The following SLC16A7 variants were observed in gnomAD, a reference collection of about 807,000 sequenced individuals.
SLC16A7 encodes solute carrier family 16 member 7, also known as monocarboxylate transporter 2.
Under a neutral mutation model 34.9 loss-of-function variants are expected in SLC16A7, and 33 were observed. The ratio of observed to expected loss-of-function variants is 0.94; its 90% CI spans 0.72 to 1.26. SLC16A7 has a LOEUF of 1.26. Ranked by LOEUF, SLC16A7 falls within the 50% of genes most tolerant of loss-of-function variation. The pLI is 0.00. For missense variants in SLC16A7, 573 were observed against 578.1 expected (o/e 0.99, Z 0.09); for synonymous variants, 201 against 206.6 (o/e 0.97, Z 0.23).
intron 2 of SLC16A7, among the ~76,000 whole-genome samples, chr12:59,675,418 AC>A (rs1870226288): frequency 6.6e-6 from 1 of 152,164 alleles, no homozygotes; most frequent in Admixed American, 6.6e-5. Context: ...CTAAGTGAGC[AC>A]ACAGCAAAAG....
chr12:59,682,322 T>C (rs1016611205), intron 2 of SLC16A7, among the ~76,000 whole-genome samples: 2 of 152,180 alleles, frequency 1.3e-5, no homozygotes, highest in African/African-American at 4.8e-5. Context: ...AATTTTAACA[T>C]CTTAGGGGAC....
chr12:59,711,537 T>C (rs957443217), intron 3 of SLC16A7, among the ~76,000 whole-genome samples: 1 of 152,168 alleles, frequency 6.6e-6, no homozygotes, highest in Non-Finnish European at 1.5e-5. Context: ...TTGTTAAAAT[T>C]TGAAACAGGG....
chr12:59,603,186 A>T (rs1878772180), intron 1 of SLC16A7, among the ~76,000 whole-genome samples: 1 of 152,134 alleles, frequency 6.6e-6, no homozygotes, highest in South Asian at 2.1e-4. Flanking sequence ...ACAGTCATGT[A>T]ATAGTCTCTT....
intron 2 of SLC16A7, among the ~76,000 whole-genome samples, chr12:59,668,219 C>T (rs550473928): frequency 1.3e-5 from 2 of 152,240 alleles, no homozygotes; most frequent in Admixed American, 1.3e-4. Context: ...AGAGGGCCAC[C>T]ATCCTTCAGA....
At position 59,780,087 on chromosome 12, in the gene SLC16A7, A is replaced by G; in HGVS notation, c.*408A>G. ...TACATTTCATTTTTTATTTGATATTAAAGTATGAGATAGAGTTGAGAGACA... is the reference window on the plus strand; with the variant it reads ...TACATTTCATTTTTTATTTGATATTGAAGTATGAGATAGAGTTGAGAGACA... On this transcript the variant is annotated 3_prime_UTR_variant, in exon 6 of 6. Coordinates refer to ENST00000547379, the MANE Select transcript of SLC16A7 (RefSeq NM_001270623.2). 6.1e-6 allele frequency: 1 copy of G among 162,622 alleles called. No homozygotes were observed. Among genetic ancestry groups the G allele is most frequent in the Non-Finnish European group, 1.4e-5 (1 of 73,988 alleles). 10.1% of individuals were successfully genotyped at this position (162,622 alleles called of 1,614,324 possible). A position where few individuals can be genotyped will look rare whatever the true frequency, so the allele number is the denominator to read the frequency against.
chr12:59,729,145 T>A (rs1038026223), intron 3 of SLC16A7, among the ~76,000 whole-genome samples: 1 of 152,268 alleles, frequency 6.6e-6, no homozygotes, highest in Non-Finnish European at 1.5e-5. Context: ...ATGTGTGGTT[T>A]GCATAATTGA....
intron 2 of SLC16A7, among the ~76,000 whole-genome samples, chr12:59,666,422 G>A (rs759840946): frequency 6.6e-6 from 1 of 152,084 alleles, no homozygotes; most frequent in Admixed American, 6.6e-5. Flanking sequence ...TTTACAAAAG[G>A]AGATTCTCAA....
At chr12:59,683,919 C>T (rs1241841975) in intron 2 of SLC16A7, among the ~76,000 whole-genome samples, 1 of 152,180 alleles carries the variant, frequency 6.6e-6, no homozygotes, top group Non-Finnish European at 1.5e-5. Context: ...AATATTATTA[C>T]ATACCATTAA....
intron 2 of SLC16A7, among the ~76,000 whole-genome samples, chr12:59,693,040 C>G (rs1239337917): frequency 6.6e-6 from 1 of 151,896 alleles, no homozygotes; most frequent in Non-Finnish European, 1.5e-5. Flanking sequence ...AAAAACCAGA[C>G]AATTATTCTT....
chr12:59,710,041 A>C (rs12307814), intron 3 of SLC16A7, among the ~76,000 whole-genome samples: 2,564 of 151,814 alleles, frequency 0.017, 154 homozygotes, highest in African/African-American at 0.057. Flanking sequence ...AATATAAGTT[A>C]TATAAATTAT....
intron 5 of SLC16A7, among the ~76,000 whole-genome samples, chr12:59,776,266 T>G (rs746063895): frequency 9.2e-5 from 14 of 152,214 alleles, no homozygotes; most frequent in Non-Finnish European, 1.3e-4. Flanking sequence ...CATTAGATTT[T>G]TGTTGGAATT....
At chr12:59,703,960 G>C (rs1486544398) in intron 2 of SLC16A7, among the ~76,000 whole-genome samples, 1 of 151,878 alleles carries the variant, frequency 6.6e-6, no homozygotes, top group African/African-American at 2.4e-5. Flanking sequence ...CCAACACATT[G>C]GGAGGCTGAG....
intron 4 of SLC16A7, among the ~76,000 whole-genome samples, chr12:59,771,766 AAT>A (rs1882258138): frequency 1.3e-5 from 2 of 152,168 alleles, no homozygotes; most frequent in African/African-American, 4.8e-5. Flanking sequence ...TTCCACTCAT[AAT>A]ATGTTAAAAC....
intron 1 of SLC16A7, among the ~76,000 whole-genome samples, chr12:59,606,351 T>C (rs543057155): frequency 2.0e-4 from 30 of 152,144 alleles, no homozygotes; most frequent in Non-Finnish European, 4.0e-4. Flanking sequence ...AAATTCCCTT[T>C]AGATGTGATA....
chr12:59,789,249 G>A lies in SLC16A7; in HGVS notation c.*9570G>A, dbSNP rs777651591. 1.3e-5 allele frequency: 2 copies of A among 152,002 alleles called. No homozygotes were observed. The highest frequency in any genetic ancestry group is 1.9e-4 in the East Asian group (1 of 5,182). The allele number at this position is 152,002 out of a possible 1,614,324, so 9.4% of individuals were successfully genotyped here. A position where few individuals can be genotyped will look rare whatever the true frequency, so the allele number is the denominator to read the frequency against. ...TTAAAATGCTACTACAGTATTCTAC[G>A]ATGCAGGCTGAATGTATATTACAGT... On this transcript the variant is annotated 3_prime_UTR_variant, in exon 6 of 6. Transcript: ENST00000547379.
chr12:59,763,765 C>T (rs1210703228), intron 3 of SLC16A7, among the ~76,000 whole-genome samples: 1 of 152,098 alleles, frequency 6.6e-6, no homozygotes, highest in Non-Finnish European at 1.5e-5. Flanking sequence ...TCTTGTGTCA[C>T]ATTTTGGTAA....
chr12:59,669,357 G>T (rs973567132), intron 2 of SLC16A7, among the ~76,000 whole-genome samples: 1 of 152,108 alleles, frequency 6.6e-6, no homozygotes, highest in Non-Finnish European at 1.5e-5. Flanking sequence ...AATTAAGATT[G>T]TGGTTTTTTA....
chr12:59,638,852 G>T (rs1046664408), intron 1 of SLC16A7, among the ~76,000 whole-genome samples: 1 of 152,156 alleles, frequency 6.6e-6, no homozygotes, highest in Admixed American at 6.5e-5. Context: ...AAACTGATTT[G>T]AGCCAGAATA....
chr12:59,708,150 A>T (rs2137153807), intron 3 of SLC16A7, among the ~76,000 whole-genome samples: 1 of 152,232 alleles, frequency 6.6e-6, no homozygotes, highest in Admixed American at 6.5e-5. Flanking sequence ...CATAGTAACT[A>T]TTTAGAACAA....
Sources: gnomAD v4.1 joint callset for allele counts (sites outside exome capture counted in the v4.1 genomes callset) on GRCh38, gnomAD v4.1.1 for gene constraint, MANE v1.5 for transcripts, NCBI Gene and HGNC (gene_info 2026-07-23, HGNC 2026-07-21) for gene names.